SHF: variants seen among roughly 807,000 people sequenced by gnomAD.
SHF encodes SH2 domain-containing adapter protein F.
A neutral mutation model predicts 42.4 loss-of-function variants in SHF; 30 were observed. The observed-to-expected ratio is 0.71, with a 90% CI of 0.53 to 0.96. The LOEUF is 0.96. Among genes scored for constraint, SHF ranks in the 40% least tolerant of loss-of-function variants. SHF has a pLI of 0.00. For synonymous variants in SHF, 264 were observed against 269.9 expected, an observed-to-expected ratio of 0.98 and a Z score of 0.21; for missense variants, 598 against 634.0, an observed-to-expected ratio of 0.94 and a Z score of 0.61.
upstream of SHF, among the ~76,000 whole-genome samples, chr15:45,192,231 GTCTTTTATAGTTTTTT>G (rs1898726067): frequency 2.0e-5 from 3 of 148,040 alleles, no homozygotes; most frequent in East Asian, 5.9e-4. Flanking sequence ...TCCTGAAAGT[GTCTTTTATAGTTTTTT>G]TCTTTTTTTA....
Position 45,167,882 on chromosome 15 carries a change from A to C in SHF, c.*65T>G. On this transcript the variant is annotated 3_prime_UTR_variant, in exon 7 of 7. Transcript: ENST00000690270. Reference sequence around the variant, plus strand: ...AGATCACGTCCCTGGCAAGAGCCACAGCCCTCAGCCAGGTGATGGGCACAG... The same window carrying C: ...AGATCACGTCCCTGGCAAGAGCCACCGCCCTCAGCCAGGTGATGGGCACAG... 7.3e-7 allele frequency: 1 copy of C among 1,374,926 alleles called. No homozygotes were observed. Among genetic ancestry groups the C allele is most frequent in the African/African-American group, 1.5e-5 (1 of 68,504 alleles). The allele number at this position is 1,374,926 out of a possible 1,614,324, so 85.2% of individuals were successfully genotyped here. A position where few individuals can be genotyped will look rare whatever the true frequency, so the allele number is the denominator to read the frequency against.
upstream of SHF, among the ~76,000 whole-genome samples, chr15:45,191,509 T>G (rs1321835439): frequency 2.0e-5 from 3 of 152,228 alleles, no homozygotes; most frequent in Non-Finnish European, 4.4e-5. Context: ...TCTTGCATGT[T>G]AAGCAGTTCG....
intron 6 of SHF, chr15:45,170,465 AC>A: frequency 7.8e-7 from 1 of 1,283,680 alleles, no homozygotes; most frequent in Non-Finnish European, 1.0e-6. Flanking sequence ...TACAATTCAG[AC>A]TCCTAGAGTA....
rs563447040 is a variant in SHF, at chr15:45,167,789, C to G, written c.*158G>C. 42 of 636,548 alleles carry G rather than the reference C, an allele frequency of 6.6e-5. No individual in the cohort carries two copies. The highest frequency in any genetic ancestry group is 9.0e-5 in the Non-Finnish European group (38 of 420,430). 39.4% of individuals were successfully genotyped at this position (636,548 alleles called of 1,614,324 possible). The stretch of plus-strand genomic sequence containing the variant: ...CCCCTTACTCCAAGGCCCCAGGAGC[C>G]CTTTCCCTTTAGAATAAATTAAGGA... On this transcript the variant is annotated 3_prime_UTR_variant, in exon 7 of 7. Coordinates refer to ENST00000690270, the MANE Select transcript of SHF (RefSeq NM_001394037.1).
At chr15:45,197,534 C>T (rs1898904176) in intron 2 of SHF, among the ~76,000 whole-genome samples, 1 of 152,198 alleles carries the variant, frequency 6.6e-6, no homozygotes, top group African/African-American at 2.4e-5. Context: ...ATTCAAGATG[C>T]TTCCCTGCCC....
chr15:45,170,150 CAAT>C (rs1452296017), intron 6 of SHF: 3 of 279,146 alleles, frequency 1.1e-5, no homozygotes, highest in African/African-American at 6.9e-5. Flanking sequence ...CTGTACCAAA[CAAT>C]AATATGGCAC....
exon 2 of SHF, chr15:45,199,120 C>A: frequency 6.7e-7 from 1 of 1,481,612 alleles, no homozygotes; most frequent in Non-Finnish European, 9.0e-7. Context: ...TTGTGGACAC[C>A]CTAGAACCAG....
intron 2 of SHF, among the ~76,000 whole-genome samples, chr15:45,196,673 A>G (rs1020111401): frequency 6.6e-5 from 10 of 151,926 alleles, no homozygotes; most frequent in African/African-American, 1.5e-4. Flanking sequence ...CGAGGCGGGC[A>G]GAACACGAGG....
chr15:45,194,037 G>A (rs1214824960), intron 2 of SHF, among the ~76,000 whole-genome samples: 1 of 149,750 alleles, frequency 6.7e-6, no homozygotes, highest in African/African-American at 2.5e-5. Flanking sequence ...GGGAGGTAGA[G>A]GTTGCTATGA....
Position 45,196,873 on chromosome 15 carries a change from C to A in SHF, c.303+1899G>T, listed in dbSNP as rs564373398. Among the ~76,000 whole-genome samples, 548 of 148,618 alleles carry A rather than the reference C, an allele frequency of 3.7e-3. 6 individuals are homozygous for A. Among genetic ancestry groups the A allele is most frequent in the African/African-American group, 0.013 (529 of 39,996 alleles). On this transcript the variant is annotated intron_variant, in intron 2 of 7. Transcript: ENST00000290894. ...AAGATTGCACCACTCTGCACTCCAGCCTGGGTGACAGAGCAAGACTCCGTC... is the reference window on the plus strand; with the variant it reads ...AAGATTGCACCACTCTGCACTCCAGACTGGGTGACAGAGCAAGACTCCGTC...
chr15:45,188,337 G>A (rs1898585850), upstream of SHF, among the ~76,000 whole-genome samples: 2 of 152,218 alleles, frequency 1.3e-5, no homozygotes, highest in African/African-American at 4.8e-5. Flanking sequence ...ACTCTAGGGA[G>A]CCTTACGCCT....
chr15:45,172,178 T>C lies in SHF; in HGVS notation c.1129A>G (p.Thr377Ala). 1.2e-6 allele frequency: 2 copies of C among 1,613,872 alleles called. No individual in the cohort carries two copies. The highest frequency in any genetic ancestry group is 1.7e-6 in the Non-Finnish European group (2 of 1,179,850). The change falls in exon 5 of 7, where the codon ACA becomes GCA. Residue 377 changes from threonine to alanine, a missense_variant. Thr to Ala is a moderately conservative substitution (Grantham distance 58). Coordinates refer to ENST00000690270, the MANE Select transcript of SHF (RefSeq NM_001394037.1). ...MEPSSPLGEW[T>A]DPALPLENQV... ...TTTTCCAGAGGCAGTGCTGGATCTG[T>C]CCACTCCCCCAGGGGGCTGCTGGGC... is the stretch of plus-strand genomic sequence containing the variant.
At chr15:45,192,924 G>A (rs977620302), upstream of SHF, among the ~76,000 whole-genome samples, 8 of 152,318 alleles carry the variant, frequency 5.3e-5, no homozygotes, top group Middle Eastern at 3.4e-3. Context: ...GGACTTTCTA[G>A]TGCGTTACAC....
In SHF at chr15:45,198,973, G is replaced by C. The variant is rs746830546; in HGVS notation, c.102C>G (p.Pro34=). ...GCTGGGCGGAACTCAGACTACCCTT[G>C]GGGGATGCCCGTTTCCTATGCCCCG... The change falls in exon 2 of 8, where the codon CCC becomes CCG. Residue 34 remains proline (P), a synonymous_variant. Coordinates refer to the SHF transcript ENST00000290894. 8.7e-6 allele frequency: 14 copies of C among 1,613,472 alleles called. No individual in the cohort carries two copies. The African/African-American group carries it at 1.6e-4, about 18-fold the overall frequency.
Position 45,187,941 on chromosome 15 carries a change from C to G in SHF, c.11G>C (p.Ser4Thr), listed in dbSNP as rs1210826759. The change falls in exon 1 of 7, where the codon AGC (serine) becomes ACC (threonine). Residue 4 changes from serine (S) to threonine (T), a missense_variant. This residue lies in a region of SHF where 159 missense variants were observed against 109.3 expected (regional missense o/e 1.45). Coordinates refer to ENST00000690270, the MANE Select transcript of SHF (RefSeq NM_001394037.1). MLLSGAPPAGSRPG... is the reference protein window; with the variant it reads MLLTGAPPAGSRPG... The stretch of plus-strand genomic sequence containing the variant: ...GCGGGAGCCAGCCGGAGGAGCTCCG[C>G]TCAGTAACATGGGGCCAGCCAGACT... 1 of 1,172,672 alleles carries G rather than the reference C, an allele frequency of 8.5e-7. No homozygotes were observed. The highest frequency in any genetic ancestry group is 4.6e-5 in the Admixed American group (1 of 21,698). 72.6% of individuals were successfully genotyped at this position (1,172,672 alleles called of 1,614,324 possible).
At position 45,187,772 on chromosome 15, in the gene SHF, C is replaced by T. The variant is rs934894905; in HGVS notation, c.180G>A (p.Gly60=). The change falls in exon 1 of 7, where the codon GGG becomes GGA. Residue 60 remains glycine, a synonymous_variant. Coordinates refer to ENST00000690270, the MANE Select transcript of SHF (RefSeq NM_001394037.1). ...GCTTGCTGCCCCCTCCGCCGCCGCCCCCCCCGCGGAAGCCCAGGTGCTCCC... is the reference window on the plus strand; with the variant it reads ...GCTTGCTGCCCCCTCCGCCGCCGCCTCCCCCGCGGAAGCCCAGGTGCTCCC... The part of the protein sequence containing the change: ...WLREHLGFRG[G]GGGGGGSKPA... 4.4e-6 allele frequency: 4 copies of T among 903,672 alleles called. No homozygotes were observed. Among genetic ancestry groups the T allele is most frequent in the Non-Finnish European group, 5.7e-6 (4 of 697,756 alleles). 56.0% of individuals were successfully genotyped at this position (903,672 alleles called of 1,614,324 possible). A position where few individuals can be genotyped will look rare whatever the true frequency, so the allele number is the denominator to read the frequency against.
In SHF at chr15:45,173,685, C is replaced by T; in HGVS notation, c.879G>A (p.Trp293Ter). The change falls in exon 4 of 7, where the codon TGG (tryptophan) becomes TGA (stop). Residue 293 changes from tryptophan to a stop codon, truncating the protein, a stop_gained. Coordinates refer to ENST00000690270, the MANE Select transcript of SHF (RefSeq NM_001394037.1). LOFTEE classifies it high-confidence loss of function. ...TGTCCAGCTGTCCCACAGGTGGAGG[C>T]CAAGGTAGGTCTTTGATGACCTTAA... ...VDIKVIKDLPWPPPVGQLDSS... is the reference protein window; with the variant it reads ...VDIKVIKDLP 1 of 1,551,692 alleles carries T rather than the reference C, an allele frequency of 6.4e-7. No homozygotes were observed. Among genetic ancestry groups the T allele is most frequent in the Non-Finnish European group, 8.7e-7 (1 of 1,146,978 alleles).
At chr15:45,191,110 G>A (rs1898697174), upstream of SHF, among the ~76,000 whole-genome samples, 1 of 152,098 alleles carries the variant, frequency 6.6e-6, no homozygotes, top group Non-Finnish European at 1.5e-5. Context: ...TCTTACCCAG[G>A]CTGGAATGCA....
At chr15:45,173,796 C>A in intron 3 of SHF, 80 bp from the exon 4 acceptor site, 1 of 1,462,708 alleles carries the variant, frequency 6.8e-7, no homozygotes, top group Non-Finnish European at 9.3e-7. Context: ...CACCAAAACC[C>A]AGAGCCAGGA....
Sources: allele counts gnomAD v4.1 joint callset (sites outside exome capture counted in the v4.1 genomes callset), GRCh38; gene constraint gnomAD v4.1.1; regional missense constraint gnomAD v4.1.1; transcripts MANE v1.5; gene names NCBI Gene and HGNC (gene_info 2026-07-23, HGNC 2026-07-21).